The following LIPA variants were observed in gnomAD, a reference collection of about 807,000 sequenced individuals.
LIPA encodes lipase A, lysosomal acid type, also known as lysosomal acid lipase/cholesteryl ester hydrolase.
Under a neutral mutation model 40.6 loss-of-function variants are expected in LIPA, and 26 were observed. That is an observed-to-expected ratio of 0.64 (90% confidence interval 0.47 to 0.89). The LOEUF is 0.89. Ranked by LOEUF, LIPA falls within the 40% of genes least tolerant of loss-of-function variation. The probability of loss-of-function intolerance (pLI) is 0.00; values close to 1 mark genes in which losing one functional copy is unlikely to be tolerated. For missense variants in LIPA, 455 were observed against 479.6 expected (o/e 0.95, Z 0.48); for synonymous variants, 188 against 168.4 (o/e 1.12, Z -0.90).
intron 1 of LIPA, among the ~76,000 whole-genome samples, chr10:89,341,526 G>T (rs1056687125): frequency 6.6e-6 from 1 of 152,136 alleles, no homozygotes; most frequent in Non-Finnish European, 1.5e-5. Flanking sequence ...AAACAGAAAG[G>T]TAAAAGTATA....
chr10:89,336,337 A>G (rs922283636), intron 1 of LIPA, among the ~76,000 whole-genome samples: 1 of 152,188 alleles, frequency 6.6e-6, no homozygotes, highest in African/African-American at 2.4e-5. Context: ...CTGTCCCCAA[A>G]TCAAAGCACA....
chr10:89,375,720 T>C (rs1844116345), intron 2 of LIPA, among the ~76,000 whole-genome samples: 1 of 152,202 alleles, frequency 6.6e-6, no homozygotes, highest in South Asian at 2.1e-4. Context: ...TTCCCCTGAA[T>C]GGTTCTAACC....
intron 2 of LIPA, among the ~76,000 whole-genome samples, chr10:89,358,023 A>G (rs1425438023): frequency 1.3e-5 from 2 of 152,148 alleles, no homozygotes; most frequent in Non-Finnish European, 2.9e-5. Context: ...TAGTGTCAGG[A>G]GAAGGATAAC....
intron 2 of LIPA, among the ~76,000 whole-genome samples, chr10:89,407,071 G>A (rs1239580842): frequency 6.6e-6 from 1 of 152,254 alleles, no homozygotes; most frequent in East Asian, 1.9e-4. Flanking sequence ...AGTTGGGAGC[G>A]TTGGTTTGCC....
intron 7 of LIPA, among the ~76,000 whole-genome samples, chr10:89,223,173 T>G (rs1267327548): frequency 1.3e-5 from 2 of 152,090 alleles, no homozygotes; most frequent in Non-Finnish European, 2.9e-5. Context: ...TTTTGAAAAT[T>G]TGTGTATTTT....
chr10:89,391,979 G>A (rs1228322885), intron 2 of LIPA, among the ~76,000 whole-genome samples: 1 of 152,168 alleles, frequency 6.6e-6, no homozygotes, highest in Non-Finnish European at 1.5e-5. Context: ...GATTCAGAAT[G>A]ACAGTGTCCA....
At chr10:89,381,024 G>A (rs952728009) in intron 2 of LIPA, among the ~76,000 whole-genome samples, 4 of 152,134 alleles carry the variant, frequency 2.6e-5, no homozygotes, top group African/African-American at 9.7e-5. Context: ...CCAAAATCTA[G>A]TATACTTTTT....
chr10:89,325,902 G>A (rs7094510), intron 1 of LIPA, among the ~76,000 whole-genome samples: 90,906 of 152,006 alleles, frequency 0.6, 29,039 homozygotes, highest in East Asian at 0.93. Flanking sequence ...ATCTTACCCT[G>A]GTTAAAATTG....
intron 8 of LIPA, among the ~76,000 whole-genome samples, chr10:89,216,236 A>G (rs1227176049): frequency 6.6e-6 from 1 of 152,086 alleles, no homozygotes; most frequent in Non-Finnish European, 1.5e-5. Flanking sequence ...CACCTGACAC[A>G]AGAAAGCAGC....
chr10:89,378,474 A>G (rs941120167), intron 2 of LIPA, among the ~76,000 whole-genome samples: 2 of 152,102 alleles, frequency 1.3e-5, no homozygotes, highest in African/African-American at 4.8e-5. Context: ...GGAGACTCTA[A>G]GCTATAGCTG....
At chr10:89,377,593 A>C (rs183916633) in intron 2 of LIPA, among the ~76,000 whole-genome samples, 1 of 152,276 alleles carries the variant, frequency 6.6e-6, no homozygotes, top group East Asian at 1.9e-4. Context: ...ACCATCTGCA[A>C]CCTCATTCTT....
intron 2 of LIPA, chr10:89,393,330 T>G (rs367616239): frequency 7.8e-7 from 1 of 1,281,756 alleles, no homozygotes; most frequent in Non-Finnish European, 1.0e-6. Flanking sequence ...CCCTGGAAAA[T>G]CTAGGCTCTT....
intron 2 of LIPA, chr10:89,392,843 C>A: frequency 1.1e-6 from 1 of 930,566 alleles, no homozygotes; most frequent in Non-Finnish European, 1.7e-6. Flanking sequence ...TGAGTATCTG[C>A]TTATGGACTG....
At chr10:89,336,751 CT>C (rs144476533) in intron 1 of LIPA, among the ~76,000 whole-genome samples, 9,408 of 152,172 alleles carry the variant, frequency 0.062, 697 homozygotes, top group African/African-American at 0.18. Flanking sequence ...TGGTTCATAA[CT>C]TTTTTTCTGA....
At chr10:89,346,158 T>C (rs563424619), upstream of LIPA, among the ~76,000 whole-genome samples, 7 of 152,342 alleles carry the variant, frequency 4.6e-5, no homozygotes, top group Admixed American at 2.0e-4. Context: ...TGTCAGCCTA[T>C]AATTTGACTT....
At chr10:89,295,234 G>A (rs1843406281) in intron 1 of LIPA, among the ~76,000 whole-genome samples, 1 of 152,102 alleles carries the variant, frequency 6.6e-6, no homozygotes, top group African/African-American at 2.4e-5. Flanking sequence ...AGCCCATTGT[G>A]GGGATCAAGA....
At chr10:89,392,738 CT>C (rs1304471028) in intron 2 of LIPA, 1 of 1,613,110 alleles carries the variant, frequency 6.2e-7, no homozygotes, top group Non-Finnish European at 8.5e-7. Flanking sequence ...CTTTGCTCCT[CT>C]GCCATAATGT....
intron 2 of LIPA, among the ~76,000 whole-genome samples, chr10:89,353,419 G>A (rs1405555993): frequency 1.3e-5 from 2 of 152,162 alleles, no homozygotes; most frequent in South Asian, 2.1e-4. Context: ...CCAAGTGCTG[G>A]CAGATCCCTG....
intron 1 of LIPA, among the ~76,000 whole-genome samples, chr10:89,304,655 A>G (rs1843466791): frequency 6.6e-6 from 1 of 152,218 alleles, no homozygotes; most frequent in Non-Finnish European, 1.5e-5. Flanking sequence ...ATACACAGAC[A>G]GTGTTGAGAA....
Sources: allele counts gnomAD v4.1 joint callset (sites outside exome capture counted in the v4.1 genomes callset), GRCh38; gene constraint gnomAD v4.1.1; transcripts MANE v1.5; gene names NCBI Gene and HGNC (gene_info 2026-07-23, HGNC 2026-07-21).